The following TRA2B variants were observed in gnomAD, a reference collection of about 807,000 sequenced individuals.
TRA2B encodes the protein transformer-2 protein homolog beta.
A neutral mutation model predicts 41.7 loss-of-function variants in TRA2B; 14 were observed. The ratio of observed to expected loss-of-function variants is 0.34; its 90% CI spans 0.22 to 0.53. TRA2B has a LOEUF of 0.53. TRA2B is among the 20% of genes least tolerant of loss of function. The pLI is 0.95. For synonymous variants in TRA2B, 130 were observed against 128.8 expected, an observed-to-expected ratio of 1.01 and a Z score of -0.06; for missense variants, 167 against 396.8, an observed-to-expected ratio of 0.42 and a Z score of 4.92.
intron 2 of TRA2B, 150 bp downstream of exon 2, chr3:185,926,451 G>A: frequency 1.9e-6 from 2 of 1,048,594 alleles, no homozygotes; most frequent in East Asian, 2.5e-5. Flanking sequence ...ACCGCTTTTA[G>A]TCTTGCCTCC....
rs200996987 is a variant in TRA2B at position 185,918,398 on chromosome 3, T to G, written c.823A>C (p.Arg275=). 1 of 1,613,892 alleles carries G rather than the reference T, an allele frequency of 6.2e-7. No individual in the cohort carries two copies. The stretch of plus-strand genomic sequence containing the variant: ...TATGATCGAGATCTGGAACGTGATC[T>G]GTATCCTCCACGACTATAGTAAGGA... ...PSPYYSRGGY[R]SRSRSRSYSP... Residue 275 remains arginine (R), a synonymous_variant, in exon 8 of 9, where the codon AGA becomes CGA. Coordinates refer to ENST00000453386, the MANE Select transcript of TRA2B (RefSeq NM_004593.3).
At chr3:185,925,438 G>A (rs1265896969) in intron 3 of TRA2B, 26 bp downstream of exon 3, 1 of 1,606,740 alleles carries the variant, frequency 6.2e-7, no homozygotes, top group Non-Finnish European at 8.5e-7. Flanking sequence ...GCAGTTGACT[G>A]CTTCAAAACC....
chr3:185,931,682 C>T (rs1021847019), intron 1 of TRA2B: 3 of 1,291,450 alleles, frequency 2.3e-6, no homozygotes, highest in Non-Finnish European at 2.0e-6. Flanking sequence ...ATCTTCCCCA[C>T]TTCACACAAA....
rs1484795032 is a variant in TRA2B, at chr3:185,916,528, TTACTG to T, written c.*1182_*1186del. On this transcript the variant is annotated 3_prime_UTR_variant, in exon 9 of 9. Coordinates refer to ENST00000453386, the MANE Select transcript of TRA2B (RefSeq NM_004593.3). ...ATTAAAGTACCCGCAGTCTAGTTAT[TTACTG>T]TAACTCCATCCCCAAATGGAGATCA... is the stretch of plus-strand genomic sequence containing the variant. 6.6e-6 allele frequency: 1 copy of T among 152,180 alleles called. No individual in the cohort carries two copies. The highest frequency in any genetic ancestry group is 1.5e-5 in the Non-Finnish European group (1 of 68,024). The allele number at this position is 152,180 out of a possible 1,614,324, so 9.4% of individuals were successfully genotyped here.
intron 1 of TRA2B, chr3:185,935,036 A>T (rs1744295366): frequency 2.0e-6 from 2 of 985,338 alleles, no homozygotes; most frequent in Non-Finnish European, 2.4e-6. Context: ...ACTGCGTGCA[A>T]GACCAACATA....
At chr3:185,925,728 A>G in intron 2 of TRA2B, 102 bp from the exon 3 acceptor site, 1 of 1,177,690 alleles carries the variant, frequency 8.5e-7, no homozygotes, top group Non-Finnish European at 1.1e-6. Flanking sequence ...CAATCCAGGA[A>G]TATGCTAACA....
intron 1 of TRA2B, among the ~76,000 whole-genome samples, chr3:185,932,027 TAGA>T (rs1744167426): frequency 6.6e-6 from 1 of 151,962 alleles, no homozygotes; most frequent in Non-Finnish European, 1.5e-5. Flanking sequence ...CTGCTGGTTC[TAGA>T]ATATATGGTA....
chr3:185,931,572 A>AT (rs1744155897), intron 1 of TRA2B: 1 of 1,228,118 alleles, frequency 8.1e-7, no homozygotes, highest in Non-Finnish European at 1.0e-6. Flanking sequence ...CAGACTAGTA[A>AT]TTACTTAGCG....
intron 1 of TRA2B, chr3:185,931,368 G>C (rs980101035): frequency 5.8e-6 from 1 of 172,016 alleles, no homozygotes; most frequent in African/African-American, 2.4e-5. Context: ...ATGCTGGAGA[G>C]CTCACTGCTG....
chr3:185,926,517 C>A (rs1363122817), intron 2 of TRA2B, 84 bp downstream of exon 2: 2 of 1,550,938 alleles, frequency 1.3e-6, no homozygotes. Context: ...AATAATCTAA[C>A]CCTCTCTACC....
At chr3:185,920,174 T>C (rs902446436) in intron 6 of TRA2B, among the ~76,000 whole-genome samples, 1 of 152,198 alleles carries the variant, frequency 6.6e-6, no homozygotes, top group Non-Finnish European at 1.5e-5. Context: ...TAAATTAACA[T>C]CTTTAAAATT....
At chr3:185,937,300 C>T in intron 1 of TRA2B, 1 of 987,594 alleles carries the variant, frequency 1.0e-6, no homozygotes, top group Non-Finnish European at 1.2e-6. Flanking sequence ...GACGGTCCTT[C>T]GTTAACCTAA....
intron 6 of TRA2B, among the ~76,000 whole-genome samples, chr3:185,919,960 A>C (rs1366697371): frequency 6.6e-6 from 1 of 152,240 alleles, no homozygotes; most frequent in Non-Finnish European, 1.5e-5. Flanking sequence ...ACTGTGGTCA[A>C]TACTTACTAA....
chr3:185,916,640 G>T lies in TRA2B; in HGVS notation c.*1075C>A, dbSNP rs1171658285. 6.6e-6 allele frequency: 1 copy of T among 152,442 alleles called. No individual in the cohort carries two copies. Among genetic ancestry groups the T allele is most frequent in the Non-Finnish European group, 1.5e-5 (1 of 68,004 alleles). 9.4% of individuals were successfully genotyped at this position (152,442 alleles called of 1,614,324 possible). On this transcript the variant is annotated 3_prime_UTR_variant, in exon 9 of 9. Coordinates refer to ENST00000453386, the MANE Select transcript of TRA2B (RefSeq NM_004593.3). ...CCTCAACCCAGCCCAAAATAGCAAA[G>T]ATACACCTCAGCCCAAGGAACACAC...
At position 185,914,665 on chromosome 3, in the gene TRA2B, T is replaced by C. The variant is rs532143295; in HGVS notation, c.*3050A>G. Among the ~76,000 whole-genome samples, 34 of 152,292 alleles carry C rather than the reference T, an allele frequency of 2.2e-4. No individual in the cohort carries two copies. The highest frequency in any genetic ancestry group is 7.9e-4 in the African/African-American group (33 of 41,568). On this transcript the variant is annotated 3_prime_UTR_variant, in exon 9 of 9. Transcript: ENST00000453386. ...ATTACTGTAGTAGCATTCTGGCTTT[T>C]TGATGACATTTGGCATAAGCTAGCA... is the stretch of plus-strand genomic sequence containing the variant.
At chr3:185,920,913 G>A (rs1031045939) in intron 6 of TRA2B, among the ~76,000 whole-genome samples, 191 bp downstream of exon 6, 2 of 151,828 alleles carry the variant, frequency 1.3e-5, no homozygotes, top group Admixed American at 6.6e-5. Flanking sequence ...TAGAATATTT[G>A]AACAGAAATC....
In TRA2B at chr3:185,937,914, T is replaced by C; in HGVS notation, c.-54A>G. The C allele has an allele frequency of 6.2e-7, 1 of 1,610,168 alleles. No homozygotes were observed. Among genetic ancestry groups the C allele is most frequent in the Non-Finnish European group, 8.5e-7 (1 of 1,178,298 alleles). Reference sequence around the variant, plus strand: ...TGCTTCAATCGAAGCTGCCAACCTCTTGCACCTTCCTTAAGGAGGCTCCGC... The same window carrying C: ...TGCTTCAATCGAAGCTGCCAACCTCCTGCACCTTCCTTAAGGAGGCTCCGC... On this transcript the variant is annotated 5_prime_UTR_variant, in exon 1 of 9. Coordinates refer to ENST00000453386, the MANE Select transcript of TRA2B (RefSeq NM_004593.3).
intron 3 of TRA2B, chr3:185,924,642 A>C (rs1176629884): frequency 6.6e-6 from 1 of 152,500 alleles, no homozygotes; most frequent in Non-Finnish European, 1.5e-5. Context: ...GTGAGACCCC[A>C]TGTCTCTACA....
chr3:185,924,141 C>T (rs778802306), intron 3 of TRA2B, 157 bp from the exon 4 acceptor site: 1 of 550,772 alleles, frequency 1.8e-6, no homozygotes, highest in Non-Finnish European at 2.9e-6. Flanking sequence ...ACAGCAAGTA[C>T]TACAAGTATT....
Sources: gnomAD v4.1 joint callset for allele counts (sites outside exome capture counted in the v4.1 genomes callset) on GRCh38, gnomAD v4.1.1 for gene constraint, MANE v1.5 for transcripts, NCBI Gene and HGNC (gene_info 2026-07-23, HGNC 2026-07-21) for gene names.